The following CEP89 variants were observed in gnomAD, a reference collection of about 807,000 sequenced individuals.
CEP89 encodes the protein centrosomal protein 89.
A neutral mutation model predicts 97.6 loss-of-function variants in CEP89; 95 were observed. The observed-to-expected ratio is 0.97, with a 90% confidence interval of 0.82 to 1.15. The LOEUF (loss-of-function observed/expected upper bound fraction) is 1.15. Ranked by LOEUF, CEP89 falls within the 50% of genes most tolerant of loss-of-function variation. CEP89 has a pLI of 0.00. For synonymous variants in CEP89, 354 were observed against 349.1 expected, an observed-to-expected ratio of 1.01 and a Z score of -0.16; for missense variants, 869 against 947.7, an observed-to-expected ratio of 0.92 and a Z score of 1.09.
At chr19:32,889,127 C>T (rs1242888788) in intron 16 of CEP89, among the ~76,000 whole-genome samples, 2 of 152,154 alleles carry the variant, frequency 1.3e-5, no homozygotes, top group Non-Finnish European at 1.5e-5. Context: ...GGCAGGAGTA[C>T]GTGGCTCAGT....
At chr19:32,923,288 G>T in intron 12 of CEP89, 151 bp downstream of exon 12, 1 of 468,360 alleles carries the variant, frequency 2.1e-6, no homozygotes, top group Non-Finnish European at 3.8e-6. Context: ...TAATTTATTA[G>T]GGTTTTATTG....
intron 5 of CEP89, among the ~76,000 whole-genome samples, chr19:32,943,509 C>T (rs1331235491): frequency 1.3e-5 from 2 of 151,948 alleles, no homozygotes; most frequent in Non-Finnish European, 2.9e-5. Context: ...CCTGTAATCC[C>T]AACACTGCGG....
chr19:32,932,871 G>T (rs1970504282), intron 8 of CEP89, among the ~76,000 whole-genome samples: 1 of 152,022 alleles, frequency 6.6e-6, no homozygotes, highest in African/African-American at 2.4e-5. Context: ...GATCACTTGA[G>T]CCCAGGAGTT....
At chr19:32,944,400 G>A (rs891856357) in intron 5 of CEP89, among the ~76,000 whole-genome samples, 9 of 152,042 alleles carry the variant, frequency 5.9e-5, no homozygotes, top group African/African-American at 2.2e-4. Context: ...AGGAGATGAC[G>A]GGTGGATGCC....
chr19:32,937,512 T>G (rs762717997), intron 7 of CEP89, 119 bp downstream of exon 7: 1 of 840,554 alleles, frequency 1.2e-6, no homozygotes. Context: ...GAGGCAAGGG[T>G]GAAAGTTCAA....
At chr19:32,923,080 C>T (rs1970284896) in intron 12 of CEP89, among the ~76,000 whole-genome samples, 2 of 152,066 alleles carry the variant, frequency 1.3e-5, no homozygotes, top group South Asian at 2.1e-4. Flanking sequence ...TTTTGGGAGG[C>T]CATTTTGAGC....
At chr19:32,900,245 CA>C (rs1238463307) in intron 15 of CEP89, among the ~76,000 whole-genome samples, 1 of 91,572 alleles carries the variant, frequency 1.1e-5, no homozygotes, top group Non-Finnish European at 2.3e-5. Flanking sequence ...TGAATAGGTT[CA>C]TTTTTTTTTT....
At chr19:32,892,795 A>G (rs2145878162) in intron 16 of CEP89, among the ~76,000 whole-genome samples, 1 of 152,196 alleles carries the variant, frequency 6.6e-6, no homozygotes, top group East Asian at 1.9e-4. Context: ...ATCTGTCACC[A>G]CTAGACCCAT....
At chr19:32,950,214 A>G (rs1447446422) in intron 4 of CEP89, among the ~76,000 whole-genome samples, 2 of 152,082 alleles carry the variant, frequency 1.3e-5, no homozygotes, top group East Asian at 3.9e-4. Context: ...TCAAAAATAT[A>G]TTAAGTGACT....
chr19:32,907,583 C>G (rs1349257225), intron 14 of CEP89, among the ~76,000 whole-genome samples: 1 of 152,066 alleles, frequency 6.6e-6, no homozygotes, highest in Non-Finnish European at 1.5e-5. Context: ...TCCTGAGCAG[C>G]TGGGACTACA....
chr19:32,966,817 G>A (rs1971294225), intron 1 of CEP89, among the ~76,000 whole-genome samples: 2 of 152,170 alleles, frequency 1.3e-5, no homozygotes, highest in South Asian at 4.1e-4. Flanking sequence ...GCGACTTCCT[G>A]AGAAGCAAGT....
intron 5 of CEP89, among the ~76,000 whole-genome samples, chr19:32,942,690 T>C (rs1215616785): frequency 6.6e-6 from 1 of 152,192 alleles, no homozygotes; most frequent in Non-Finnish European, 1.5e-5. Flanking sequence ...TGTCCTGTGT[T>C]CTTATTTATC....
chr19:32,882,599 T>A (rs1253521659), intron 17 of CEP89, among the ~76,000 whole-genome samples: 2 of 151,298 alleles, frequency 1.3e-5, no homozygotes, highest in Non-Finnish European at 2.9e-5. Context: ...CAGAACAAAC[T>A]GGATGTTCTT....
intron 3 of CEP89, among the ~76,000 whole-genome samples, chr19:32,958,134 G>A (rs576102246): frequency 5.7e-4 from 86 of 150,260 alleles, no homozygotes; most frequent in Middle Eastern, 3.4e-3. Flanking sequence ...CGATTTACTC[G>A]TTTTTAGTTT....
At chr19:32,946,198 C>T (rs565650917) in intron 5 of CEP89, among the ~76,000 whole-genome samples, 19 of 152,298 alleles carry the variant, frequency 1.2e-4, no homozygotes, top group African/African-American at 2.9e-4. Context: ...CCTTCCTGGG[C>T]TCAAGTGATC....
intron 17 of CEP89, among the ~76,000 whole-genome samples, chr19:32,882,728 T>C (rs11667425): frequency 0.098 from 14,897 of 152,266 alleles, 922 homozygotes; most frequent in Middle Eastern, 0.17. Flanking sequence ...GACAGCCTCA[T>C]TGAAGAATCC....
chr19:32,892,810 C>A (rs1969561221), intron 16 of CEP89, among the ~76,000 whole-genome samples: 1 of 151,882 alleles, frequency 6.6e-6, no homozygotes, highest in Non-Finnish European at 1.5e-5. Flanking sequence ...ACCCATCCTA[C>A]ATGAAATGCT....
chr19:32,953,674 C>A lies in CEP89; in HGVS notation c.433G>T (p.Ala145Ser), dbSNP rs1555794731. 2 of 1,614,036 alleles carry A rather than the reference C, an allele frequency of 1.2e-6. No homozygotes were observed. The highest frequency in any genetic ancestry group is 1.7e-6 in the Non-Finnish European group (2 of 1,179,984). ...SSGKELGDVS[A>S]REDRGGHSDD... ...CTGTGGCCTCCTCTGTCCTCCCGGG[C>A]ACTGACATCCCCCAATTCCTTGCCG... Residue 145 changes from alanine (A) to serine (S), a missense_variant, in exon 4 of 19, where the codon GCC becomes TCC. Transcript: ENST00000305768.
chr19:32,958,632 T>C (rs1004039604), intron 3 of CEP89, among the ~76,000 whole-genome samples: 1 of 151,974 alleles, frequency 6.6e-6, no homozygotes, highest in East Asian at 1.9e-4. Context: ...TGAGCCAGGA[T>C]TGCACCACTG....
Sources: gnomAD v4.1 joint callset for allele counts (sites outside exome capture counted in the v4.1 genomes callset) on GRCh38, gnomAD v4.1.1 for gene constraint, MANE v1.5 for transcripts, NCBI Gene and HGNC (gene_info 2026-07-23, HGNC 2026-07-21) for gene names.